DNER: variants seen among roughly 807,000 people sequenced by gnomAD.
DNER encodes the protein delta and Notch-like epidermal growth factor-related receptor.
Under a neutral mutation model 78.2 loss-of-function variants are expected in DNER, and 33 were observed. The ratio of observed to expected loss-of-function variants is 0.42; its 90% CI spans 0.32 to 0.56. DNER has a LOEUF of 0.56. DNER is among the 20% of genes least tolerant of loss of function. The pLI is 0.11. For missense variants in DNER, 918 were observed against 975.3 expected, an observed-to-expected ratio of 0.94 and a Z score of 0.78; for synonymous variants, 417 against 384.8, an observed-to-expected ratio of 1.08 and a Z score of -0.98.
chr2:229,396,782 G>A (rs1211030381), intron 10 of DNER, among the ~76,000 whole-genome samples: 2 of 152,228 alleles, frequency 1.3e-5, no homozygotes, highest in Non-Finnish European at 2.9e-5. Context: ...ATGTGGGTCT[G>A]TCTGAGCATA....
intron 11 of DNER, among the ~76,000 whole-genome samples, chr2:229,385,275 A>G (rs1692838571): frequency 6.6e-6 from 1 of 152,112 alleles, no homozygotes; most frequent in African/African-American, 2.4e-5. Context: ...AGTTTAACAC[A>G]CCTTCATGCT....
At chr2:229,375,526 T>C (rs192316357) in intron 11 of DNER, among the ~76,000 whole-genome samples, 12 of 152,336 alleles carry the variant, frequency 7.9e-5, no homozygotes, top group African/African-American at 2.9e-4. Context: ...TCCAAGTATG[T>C]ACTAAAGGTA....
intron 1 of DNER, among the ~76,000 whole-genome samples, chr2:229,630,187 C>T (rs1698409831): frequency 6.6e-6 from 1 of 152,062 alleles, no homozygotes; most frequent in Non-Finnish European, 1.5e-5. Flanking sequence ...AAAAATAAAA[C>T]CTTCTGGGCC....
chr2:229,480,748 A>G (rs1178114893), intron 6 of DNER, among the ~76,000 whole-genome samples: 1 of 152,246 alleles, frequency 6.6e-6, no homozygotes, highest in Non-Finnish European at 1.5e-5. Context: ...TGAAAATGCC[A>G]ATAGTTCCCT....
At chr2:229,599,484 C>T (rs1350172557) in intron 1 of DNER, among the ~76,000 whole-genome samples, 1 of 152,204 alleles carries the variant, frequency 6.6e-6, no homozygotes, top group East Asian at 1.9e-4. Context: ...AGATGTTTAG[C>T]AGCATGCTGT....
intron 1 of DNER, among the ~76,000 whole-genome samples, chr2:229,663,550 G>C (rs774652099): frequency 2.0e-5 from 3 of 152,214 alleles, no homozygotes; most frequent in Non-Finnish European, 2.9e-5. Context: ...TTCTCAAAGA[G>C]AGATTTCAAT....
At chr2:229,508,013 AATC>A (rs1224778028) in intron 6 of DNER, among the ~76,000 whole-genome samples, 5 of 152,214 alleles carry the variant, frequency 3.3e-5, no homozygotes, top group Non-Finnish European at 7.3e-5. Context: ...AATTCTAACA[AATC>A]AACAAGAAGA....
chr2:229,581,384 T>C (rs917324011), intron 4 of DNER, among the ~76,000 whole-genome samples: 1 of 152,074 alleles, frequency 6.6e-6, no homozygotes, highest in African/African-American at 2.4e-5. Flanking sequence ...CCTCCGATGC[T>C]CCCCGAGAAG....
intron 4 of DNER, among the ~76,000 whole-genome samples, chr2:229,565,086 G>A (rs1697078253): frequency 6.6e-6 from 1 of 152,114 alleles, no homozygotes; most frequent in Admixed American, 6.6e-5. Flanking sequence ...CATATTCGGT[G>A]TTAGGATTTC....
intron 8 of DNER, among the ~76,000 whole-genome samples, chr2:229,422,761 A>G (rs2106351157): frequency 6.6e-6 from 1 of 152,264 alleles, no homozygotes; most frequent in African/African-American, 2.4e-5. Flanking sequence ...TCATTAAAGA[A>G]GAAAATGGAA....
intron 5 of DNER, among the ~76,000 whole-genome samples, chr2:229,539,079 C>A (rs1315915459): frequency 6.6e-6 from 1 of 152,140 alleles, no homozygotes; most frequent in Non-Finnish European, 1.5e-5. Context: ...TTGAAAGCTG[C>A]AGTTTTGGTG....
At chr2:229,562,058 C>A (rs972560559) in intron 4 of DNER, among the ~76,000 whole-genome samples, 2 of 152,276 alleles carry the variant, frequency 1.3e-5, no homozygotes, top group East Asian at 3.9e-4. Flanking sequence ...CGGTCCTAGA[C>A]CAACTACCTC....
At chr2:229,496,626 T>C (rs1017161866) in intron 6 of DNER, among the ~76,000 whole-genome samples, 1 of 152,032 alleles carries the variant, frequency 6.6e-6, no homozygotes, top group African/African-American at 2.4e-5. Context: ...TCCATGCAAG[T>C]GGAAACCAAA....
rs951571608 is a variant in DNER, at chr2:229,584,929, G to T, written c.847+929C>A. ...AAAAAAAAGAAGAAGAAAAAGAAAAGAAAACAGTTAATTGGACACGTGGTA... is the reference window on the plus strand; with the variant it reads ...AAAAAAAAGAAGAAGAAAAAGAAAATAAAACAGTTAATTGGACACGTGGTA... On this transcript the variant is annotated intron_variant, in intron 4 of 12. Coordinates refer to ENST00000341772, the MANE Select transcript of DNER (RefSeq NM_139072.4). Among the ~76,000 whole-genome samples, 14 of 149,626 alleles carry T rather than the reference G, an allele frequency of 9.4e-5. No homozygotes were observed. The East Asian group carries it at 2.0e-3, about 21-fold the overall frequency.
At chr2:229,402,106 A>T (rs1249803740) in intron 10 of DNER, among the ~76,000 whole-genome samples, 2 of 152,008 alleles carry the variant, frequency 1.3e-5, no homozygotes, top group African/African-American at 4.8e-5. Flanking sequence ...AAGTAGACAA[A>T]GATTTCTTAC....
At chr2:229,515,264 T>G (rs2154212381) in intron 5 of DNER, among the ~76,000 whole-genome samples, 1 of 152,354 alleles carries the variant, frequency 6.6e-6, no homozygotes, top group African/African-American at 2.4e-5. Context: ...AACTGTCTTC[T>G]AAGGACAATC....
At chr2:229,402,944 C>G (rs1049126134) in intron 10 of DNER, among the ~76,000 whole-genome samples, 11 of 152,184 alleles carry the variant, frequency 7.2e-5, no homozygotes, top group Admixed American at 5.2e-4. Flanking sequence ...CAGGGAGGCT[C>G]TCTGTTCAGA....
At chr2:229,490,125 A>G (rs937886902) in intron 6 of DNER, among the ~76,000 whole-genome samples, 2 of 152,166 alleles carry the variant, frequency 1.3e-5, no homozygotes, top group Non-Finnish European at 2.9e-5. Context: ...TGTTTGCAGG[A>G]CTGGTTTTAA....
intron 8 of DNER, among the ~76,000 whole-genome samples, chr2:229,429,173 A>G (rs1381230284): frequency 6.6e-6 from 1 of 152,230 alleles, no homozygotes; most frequent in African/African-American, 2.4e-5. Context: ...AATGGGACAC[A>G]GCAGGATTCT....
Sources: gnomAD v4.1 joint callset for allele counts (sites outside exome capture counted in the v4.1 genomes callset) on GRCh38, gnomAD v4.1.1 for gene constraint, MANE v1.5 for transcripts, NCBI Gene and HGNC (gene_info 2026-07-23, HGNC 2026-07-21) for gene names.